Variants in AP3B2 observed in about 807,000 individuals in gnomAD.
AP3B2 encodes AP-3 complex subunit beta-2.
A neutral mutation model predicts 126.9 loss-of-function variants in AP3B2; 50 were observed. The ratio of observed to expected loss-of-function variants is 0.39; its 90% CI spans 0.31 to 0.50. The LOEUF (loss-of-function observed/expected upper bound fraction) is 0.50, where lower values mean the gene tolerates loss of function less well. Ranked by LOEUF, AP3B2 falls within the 20% of genes least tolerant of loss-of-function variation. The pLI is 0.79. For missense variants in AP3B2, 1,177 were observed against 1,426.4 expected, an observed-to-expected ratio of 0.83 and a Z score of 2.82; for synonymous variants, 541 against 565.0, an observed-to-expected ratio of 0.96 and a Z score of 0.60.
At chr15:82,693,256 T>TC (rs1236603999) in intron 1 of AP3B2, among the ~76,000 whole-genome samples, 7 of 133,918 alleles carry the variant, frequency 5.2e-5, no homozygotes, top group Non-Finnish European at 1.1e-4. Flanking sequence ...CAGCACTTTT[T>TC]TTTTTTTTAG....
chr15:82,659,294 T>C lies in AP3B2; in HGVS notation c.*266A>G. ...TGAGCCAGCAGCTAGAGAGAAGACA[T>C]TTTATTGAGCCTGCTACATAAATAG... On this transcript the variant is annotated 3_prime_UTR_variant, in exon 27 of 27. Coordinates refer to ENST00000535359, the MANE Select transcript of AP3B2 (RefSeq NM_001278512.2). The C allele has an allele frequency of 2.5e-6, 1 of 403,864 alleles. No individual in the cohort carries two copies. Among genetic ancestry groups the C allele is most frequent in the Non-Finnish European group, 4.5e-6 (1 of 223,652 alleles). The allele number at this position is 403,864 out of a possible 1,614,324, so 25.0% of individuals were successfully genotyped here.
At chr15:82,663,007 C>T in intron 22 of AP3B2, 85 bp from the exon 23 acceptor site, 1 of 1,519,740 alleles carries the variant, frequency 6.6e-7, no homozygotes, top group South Asian at 1.2e-5. Flanking sequence ...CATCCAGCAG[C>T]TGGGACTCAA....
At chr15:82,662,585 GC>G (rs1304774214) in intron 23 of AP3B2, 108 bp downstream of exon 23, 32 of 998,288 alleles carry the variant, frequency 3.2e-5, no homozygotes, top group Non-Finnish European at 3.9e-5. Flanking sequence ...CTATCTCTGT[GC>G]CCCTATAGCT....
At chr15:82,676,355 C>T (rs1212428879) in intron 14 of AP3B2, 106 bp downstream of exon 14, 2 of 1,234,798 alleles carry the variant, frequency 1.6e-6, no homozygotes, top group East Asian at 2.4e-5. Context: ...TCTTCTTTTC[C>T]AAAATAGGAG....
intron 14 of AP3B2, 109 bp downstream of exon 14, chr15:82,676,352 T>A: frequency 8.3e-7 from 1 of 1,206,530 alleles, no homozygotes; most frequent in Non-Finnish European, 1.1e-6. Flanking sequence ...GATTCTTCTT[T>A]TCCAAAATAG....
chr15:82,665,029 T>G lies in AP3B2; in HGVS notation c.2029-86A>C. 8.6e-7 allele frequency: 1 copy of G among 1,157,794 alleles called. No homozygotes were observed. 71.7% of individuals were successfully genotyped at this position (1,157,794 alleles called of 1,614,324 possible). A position where few individuals can be genotyped will look rare whatever the true frequency, so the allele number is the denominator to read the frequency against. ...ACAAGCCCTTACCCTTTATTCCACCTCTTTGTGAGGCCCTACCTGGTCTGT... is the reference window on the plus strand; with the variant it reads ...ACAAGCCCTTACCCTTTATTCCACCGCTTTGTGAGGCCCTACCTGGTCTGT... On this transcript the variant is annotated intron_variant, in intron 17 of 26. Transcript: ENST00000535359. The surrounding 1 kb of genome is among the most constrained non-coding windows in gnomAD (Gnocchi z 4.4).
At chr15:82,683,263 T>C (rs2151443798) in intron 4 of AP3B2, among the ~76,000 whole-genome samples, 1 of 152,078 alleles carries the variant, frequency 6.6e-6, no homozygotes, top group Non-Finnish European at 1.5e-5. Context: ...TTCACTGTGT[T>C]AGCCAGGATG....
intron 14 of AP3B2, among the ~76,000 whole-genome samples, chr15:82,671,081 G>A (rs1026013033): frequency 6.6e-6 from 1 of 151,884 alleles, no homozygotes; most frequent in Non-Finnish European, 1.5e-5. Flanking sequence ...ATCAGGAGTT[G>A]AGACCAGCCT....
chr15:82,705,220 C>T (rs1027663515), intron 1 of AP3B2, among the ~76,000 whole-genome samples: 2 of 152,062 alleles, frequency 1.3e-5, no homozygotes, highest in African/African-American at 2.4e-5. Flanking sequence ...TCACCCTTAC[C>T]GTGCTCAATG....
intron 21 of AP3B2, 56 bp downstream of exon 21, chr15:82,663,504 C>G: frequency 1.1e-5 from 17 of 1,580,972 alleles, no homozygotes; most frequent in Non-Finnish European, 1.5e-5. Context: ...ATGGGCTGTT[C>G]TAATTCATGC....
In AP3B2 at chr15:82,709,718, G is replaced by T. The variant is rs1322791350; in HGVS notation, c.-12C>A. ...GGGGCGGCCGACATGGGGCGGCCAG[G>T]GAGACTTCGCCGAGGAGGAGGTTGC... On this transcript the variant is annotated 5_prime_UTR_variant, in exon 1 of 27. Coordinates refer to ENST00000535359, the MANE Select transcript of AP3B2 (RefSeq NM_001278512.2). 1 of 1,469,736 alleles carries T rather than the reference G, an allele frequency of 6.8e-7. No individual in the cohort carries two copies. The highest frequency in any genetic ancestry group is 2.3e-5 in the Admixed American group (1 of 44,430). 91.0% of individuals were successfully genotyped at this position (1,469,736 alleles called of 1,614,324 possible).
intron 1 of AP3B2, among the ~76,000 whole-genome samples, chr15:82,705,191 C>G (rs12911134): frequency 0.55 from 82,680 of 151,568 alleles, 22,856 homozygotes; most frequent in Non-Finnish European, 0.6. Context: ...GCACCCCTTA[C>G]CATCCCATTA....
intron 14 of AP3B2, among the ~76,000 whole-genome samples, 178 bp from the exon 15 acceptor site, chr15:82,667,111 T>TC (rs1193053988): frequency 6.6e-6 from 1 of 152,182 alleles, no homozygotes; most frequent in East Asian, 1.9e-4. Context: ...GAATTTTCTC[T>TC]CATCTCTCTG....
chr15:82,662,768 G>A lies in AP3B2; in HGVS notation c.2759C>T (p.Thr920Ile). ...VHIHFSNSSD[T>I]PIKGLHVGTP... Reference sequence around the variant, plus strand: ...GCCCACATGCAGGCCCTTGATGGGGGTATCAGAGCTGTTGGAGAAGTGGAT... The same window carrying A: ...GCCCACATGCAGGCCCTTGATGGGGATATCAGAGCTGTTGGAGAAGTGGAT... Residue 920 changes from threonine to isoleucine, a missense_variant, in exon 23 of 27, where the codon ACC becomes ATC. This residue lies in a region of AP3B2 where 587 missense variants were observed against 571.3 expected (regional missense o/e 1.03). Transcript: ENST00000535359. The A allele has an allele frequency of 6.2e-7, 1 of 1,613,870 alleles. No individual in the cohort carries two copies. Among genetic ancestry groups the A allele is most frequent in the South Asian group, 1.1e-5 (1 of 91,024 alleles).
At position 82,665,826 on chromosome 15, in the gene AP3B2, AG is replaced by A. The variant is rs1375344185; in HGVS notation, c.1853-252del. 6.6e-6 allele frequency among the ~76,000 whole-genome samples: 1 copy of A among 152,204 alleles called. No individual in the cohort carries two copies. Among genetic ancestry groups the A allele is most frequent in the Non-Finnish European group, 1.5e-5 (1 of 68,024 alleles). ...GGAAAGGCAGCCTACAGAGGTGGGCAGGAGGAGACTCTGGGCCCACAGATGC... is the reference window on the plus strand; with the variant it reads ...GGAAAGGCAGCCTACAGAGGTGGGCAGAGGAGACTCTGGGCCCACAGATGC... On this transcript the variant is annotated intron_variant, in intron 15 of 26. Transcript: ENST00000535359. This position sits in a 1 kb window ranked among gnomAD's most constrained non-coding sequence, Gnocchi z 4.4.
At chr15:82,689,783 AT>A (rs1167277570) in intron 1 of AP3B2, 3 of 269,780 alleles carry the variant, frequency 1.1e-5, no homozygotes, top group African/African-American at 2.2e-5. Context: ...TGGGTCTCTA[AT>A]CCCATGTCTG....
At position 82,665,304 on chromosome 15, in the gene AP3B2, C is replaced by T. The variant is rs2048032133; in HGVS notation, c.1972-1G>A. Reference sequence around the variant, plus strand: ...TCTCAATAAGGGAGAGATCTTCTTCCTGTGTGTGTGGGGGAGGGTGTTAGG... The same window carrying T: ...TCTCAATAAGGGAGAGATCTTCTTCTTGTGTGTGTGGGGGAGGGTGTTAGG... On this transcript the variant is annotated splice_acceptor_variant, in intron 16 of 26. Transcript: ENST00000535359. LOFTEE classifies it high-confidence loss of function. The surrounding 1 kb of genome is among the most constrained non-coding windows in gnomAD (Gnocchi z 4.4). The T allele has an allele frequency of 6.4e-7, 1 of 1,566,680 alleles. No homozygotes were observed. Among genetic ancestry groups the T allele is most frequent in the South Asian group, 1.1e-5 (1 of 87,672 alleles).
chr15:82,694,137 G>C (rs2048595692), intron 1 of AP3B2, among the ~76,000 whole-genome samples: 2 of 152,000 alleles, frequency 1.3e-5, no homozygotes, highest in African/African-American at 4.8e-5. Flanking sequence ...CTAAATAGCT[G>C]AGATTACAGG....
rs916162655 is a variant in AP3B2 at position 82,663,022 on chromosome 15, A to G, written c.2605-100T>C. The G allele has an allele frequency of 2.5e-5, 38 of 1,495,256 alleles. 1 individual carries two copies. The highest frequency in any genetic ancestry group is 8.4e-5 in the South Asian group (7 of 83,018). 92.6% of individuals were successfully genotyped at this position (1,495,256 alleles called of 1,614,324 possible). A position where few individuals can be genotyped will look rare whatever the true frequency, so the allele number is the denominator to read the frequency against. On this transcript the variant is annotated intron_variant, in intron 22 of 26. Coordinates refer to ENST00000535359, the MANE Select transcript of AP3B2 (RefSeq NM_001278512.2). The stretch of plus-strand genomic sequence containing the variant: ...CATCCAGCAGCTGGGACTCAAAGCT[A>G]TCACATCCTCCATCACACCCACCCC...
Sources: allele counts gnomAD v4.1 joint callset (sites outside exome capture counted in the v4.1 genomes callset), GRCh38; gene constraint gnomAD v4.1.1; regional missense constraint gnomAD v4.1.1; non-coding constraint Gnocchi (gnomAD v3.1); transcripts MANE v1.5; gene names NCBI Gene and HGNC (gene_info 2026-07-23, HGNC 2026-07-21).